The following MCTP2 variants were observed in gnomAD, a reference collection of about 807,000 sequenced individuals.
MCTP2 encodes the protein multiple C2 and transmembrane domain containing 2.
In MCTP2, 132 loss-of-function variants were observed where a neutral mutation model predicts 111.6. The observed-to-expected ratio is 1.18, with a 90% CI of 1.03 to 1.37. MCTP2 has a LOEUF of 1.37. Ranked by LOEUF, MCTP2 falls within the 40% of genes most tolerant of loss-of-function variation. The pLI, the probability that MCTP2 is intolerant of heterozygous loss-of-function variation, is 0.00. For synonymous variants in MCTP2, 395 were observed against 387.7 expected (o/e 1.02, Z -0.22); for missense variants, 1,183 against 1,067.9 (o/e 1.11, Z -1.50).
At chr15:94,392,290 T>A (rs543001675) in intron 14 of MCTP2, among the ~76,000 whole-genome samples, 2 of 151,810 alleles carry the variant, frequency 1.3e-5, no homozygotes, top group East Asian at 3.9e-4. Flanking sequence ...GAGAATGGCG[T>A]GAACCCGGGT....
intron 20 of MCTP2, among the ~76,000 whole-genome samples, chr15:94,467,332 T>C (rs946362825): frequency 1.3e-5 from 2 of 152,156 alleles, no homozygotes; most frequent in African/African-American, 4.8e-5. Context: ...ATCCACTGTG[T>C]CTCCACTTTA....
At chr15:94,392,721 C>A (rs896511905) in intron 14 of MCTP2, among the ~76,000 whole-genome samples, 2 of 151,894 alleles carry the variant, frequency 1.3e-5, no homozygotes, top group Admixed American at 6.6e-5. Context: ...GAGGCTGGGG[C>A]AGGAGAATCG....
intron 1 of MCTP2, among the ~76,000 whole-genome samples, chr15:94,246,307 C>T (rs912545761): frequency 6.6e-6 from 1 of 152,122 alleles, no homozygotes; most frequent in African/African-American, 2.4e-5. Flanking sequence ...AATTGTGTGT[C>T]ACTGGGAAAG....
At chr15:94,353,029 A>G (rs2078393597) in intron 8 of MCTP2, among the ~76,000 whole-genome samples, 1 of 152,180 alleles carries the variant, frequency 6.6e-6, no homozygotes, top group African/African-American at 2.4e-5. Context: ...GGGGTATAAT[A>G]AGTAGAATAA....
intron 2 of MCTP2, 58 bp downstream of exon 2, chr15:94,298,788 C>G: frequency 1.8e-6 from 2 of 1,135,964 alleles, no homozygotes; most frequent in Middle Eastern, 3.0e-4. Flanking sequence ...CTCTTTCCCT[C>G]TCTTTCTCCC....
chr15:94,395,298 A>G (rs1442761180), intron 14 of MCTP2, among the ~76,000 whole-genome samples: 1 of 152,202 alleles, frequency 6.6e-6, no homozygotes, highest in Admixed American at 6.5e-5. Flanking sequence ...TGAAAGAGCA[A>G]TGCTATTTAT....
At chr15:94,467,838 T>C (rs549633826) in intron 20 of MCTP2, among the ~76,000 whole-genome samples, 1 of 152,340 alleles carries the variant, frequency 6.6e-6, no homozygotes, top group South Asian at 2.1e-4. Context: ...TTACAGGTTC[T>C]GCTGTGGAAT....
At chr15:94,475,261 G>A (rs1306176168) in intron 21 of MCTP2, among the ~76,000 whole-genome samples, 3 of 152,140 alleles carry the variant, frequency 2.0e-5, no homozygotes, top group African/African-American at 4.8e-5. Context: ...GCAGAGTGCA[G>A]CTTTGACTTG....
chr15:94,403,669 A>G (rs1195252535), intron 17 of MCTP2, among the ~76,000 whole-genome samples: 2 of 152,206 alleles, frequency 1.3e-5, no homozygotes, highest in African/African-American at 4.8e-5. Context: ...GGGACTTCTA[A>G]ACAGGAAGGG....
At chr15:94,428,994 C>T (rs2083026184) in intron 17 of MCTP2, among the ~76,000 whole-genome samples, 1 of 152,198 alleles carries the variant, frequency 6.6e-6, no homozygotes, top group African/African-American at 2.4e-5. Context: ...CTCCTTTTCA[C>T]TCTTCTAGAC....
intron 17 of MCTP2, chr15:94,403,281 G>T (rs1359791378): frequency 1.0e-6 from 1 of 980,904 alleles, no homozygotes. Context: ...CATTGTCTCA[G>T]CATTTGTTTA....
At chr15:94,405,387 C>T (rs1006629915) in intron 17 of MCTP2, among the ~76,000 whole-genome samples, 2 of 152,216 alleles carry the variant, frequency 1.3e-5, no homozygotes, top group African/African-American at 4.8e-5. Flanking sequence ...CATACGTTTT[C>T]CATGGATGCC....
At chr15:94,299,665 C>G (rs1412559829) in intron 2 of MCTP2, among the ~76,000 whole-genome samples, 1 of 152,162 alleles carries the variant, frequency 6.6e-6, no homozygotes, top group African/African-American at 2.4e-5. Flanking sequence ...TCTTTCGTTA[C>G]TGACACTGAA....
At chr15:94,366,867 GGTGTTTGCTTCTGTATTTAAAT>G (rs1230027394) in intron 10 of MCTP2, among the ~76,000 whole-genome samples, 1 of 152,074 alleles carries the variant, frequency 6.6e-6, no homozygotes, top group Non-Finnish European at 1.5e-5. Flanking sequence ...CCCCCTTTTT[GGTGTTTGCTTCTGTATTTAAAT>G]GTGTTTGAGG....
intron 21 of MCTP2, 142 bp downstream of exon 21, chr15:94,470,584 A>G (rs2073839450): frequency 1.5e-6 from 1 of 675,164 alleles, no homozygotes; most frequent in Admixed American, 2.4e-5. Context: ...GGGAACAAAA[A>G]CTTCCAGGAC....
intron 10 of MCTP2, among the ~76,000 whole-genome samples, chr15:94,362,117 C>G (rs1339639826): frequency 6.6e-6 from 1 of 152,098 alleles, no homozygotes; most frequent in African/African-American, 2.4e-5. Context: ...ACTGTGTTGC[C>G]TACCGACTCC....
chr15:94,438,953 T>C (rs573440119), intron 17 of MCTP2, among the ~76,000 whole-genome samples: 1 of 152,080 alleles, frequency 6.6e-6, no homozygotes, highest in South Asian at 2.1e-4. Flanking sequence ...AAATTACAAA[T>C]AGAAAAGAGG....
chr15:94,441,434 A>G (rs986423562), intron 18 of MCTP2, among the ~76,000 whole-genome samples: 2 of 152,220 alleles, frequency 1.3e-5, no homozygotes, highest in African/African-American at 4.8e-5. Context: ...TCTGATATCT[A>G]TGTTGTCAAC....
chr15:94,298,651 A>G lies in MCTP2; in HGVS notation c.386A>G (p.Glu129Gly), dbSNP rs752969811. The G allele has an allele frequency of 6.2e-7, 1 of 1,613,978 alleles. No individual in the cohort carries two copies. The highest frequency in any genetic ancestry group is 8.5e-7 in the Non-Finnish European group (1 of 1,179,970). Residue 129 changes from glutamate to glycine, a missense_variant, in exon 2 of 23, where the codon GAG (glutamate) becomes GGG (glycine). Transcript: ENST00000357742. Reference protein sequence around the residue: ...DSEEAYASPAERRRVSSNGIF... With the variant: ...DSEEAYASPAGRRRVSSNGIF... ...GAGGAGGCCTATGCCTCTCCTGCTGAGCGGAGACGGGTGTCCAGCAACGGC... is the reference window on the plus strand; with the variant it reads ...GAGGAGGCCTATGCCTCTCCTGCTGGGCGGAGACGGGTGTCCAGCAACGGC...
Sources: allele counts gnomAD v4.1 joint callset (sites outside exome capture counted in the v4.1 genomes callset), GRCh38; gene constraint gnomAD v4.1.1; transcripts MANE v1.5; gene names NCBI Gene and HGNC (gene_info 2026-07-23, HGNC 2026-07-21).